Variants in EFCAB8 observed in about 807,000 individuals in gnomAD.
EFCAB8 encodes the protein EF-hand calcium binding domain 8.
Under a neutral mutation model 116.3 loss-of-function variants are expected in EFCAB8, and 100 were observed. The ratio of observed to expected loss-of-function variants is 0.86; its 90% CI spans 0.73 to 1.02. EFCAB8 has a LOEUF of 1.02. EFCAB8 is among the 50% of genes least tolerant of loss of function. The pLI, the probability that EFCAB8 is intolerant of heterozygous loss-of-function variation, is 0.00. For synonymous variants in EFCAB8, 558 were observed against 567.9 expected, an observed-to-expected ratio of 0.98 and a Z score of 0.25; for missense variants, 1,320 against 1,416.9, an observed-to-expected ratio of 0.93 and a Z score of 1.10.
intron 12 of EFCAB8, 63 bp from the exon 13 acceptor site, chr20:32,906,780 T>C: frequency 1.2e-6 from 1 of 839,836 alleles, no homozygotes; most frequent in Non-Finnish European, 2.0e-6. Context: ...GGCACCACCT[T>C]CACCAGTGGG....
chr20:32,902,651 G>A (rs1222073347), intron 11 of EFCAB8, among the ~76,000 whole-genome samples: 2 of 152,204 alleles, frequency 1.3e-5, no homozygotes, highest in Admixed American at 6.5e-5. Flanking sequence ...GCAGTGCAAT[G>A]TACAGGCCGG....
At chr20:32,900,590 C>T (rs6120030) in intron 11 of EFCAB8, among the ~76,000 whole-genome samples, 33,639 of 151,490 alleles carry the variant, frequency 0.22, 3,764 homozygotes, top group Non-Finnish European at 0.23. Context: ...TTTTTTGTGA[C>T]GGAGTCTCAC....
At chr20:32,910,063 G>A (rs1437344178) in intron 15 of EFCAB8, 132 bp downstream of exon 15, 11 of 423,294 alleles carry the variant, frequency 2.6e-5, no homozygotes, top group Admixed American at 4.4e-5. Flanking sequence ...AGCCTTGATG[G>A]TGGTGCTGGG....
intron 5 of EFCAB8, among the ~76,000 whole-genome samples, chr20:32,881,618 T>C (rs1448484345): frequency 2.0e-5 from 3 of 152,248 alleles, no homozygotes; most frequent in Non-Finnish European, 4.4e-5. Context: ...ATTTGTCATT[T>C]ATTTTTACCC....
intron 11 of EFCAB8, among the ~76,000 whole-genome samples, chr20:32,899,221 T>G (rs1986308667): frequency 6.9e-6 from 1 of 144,954 alleles, no homozygotes; most frequent in Admixed American, 6.8e-5. Flanking sequence ...CCGTCTCTAC[T>G]AAAAATACAA....
chr20:32,893,136 C>T, intron 8 of EFCAB8, 38 bp from the exon 9 acceptor site: 3 of 1,551,038 alleles, frequency 1.9e-6, no homozygotes, highest in Non-Finnish European at 2.6e-6. Context: ...CCACCGCGCC[C>T]AGCCCACACA....
chr20:32,959,816 G>A lies in EFCAB8; in HGVS notation c.3128G>A (p.Arg1043Gln), dbSNP rs375865552. 2.2e-4 allele frequency: 330 copies of A among 1,529,256 alleles called. 4 individuals carry two copies. In the African/African-American group the frequency reaches 3.9e-3, roughly 18 times the overall value. The allele number at this position is 1,529,256 out of a possible 1,614,324, so 94.7% of individuals were successfully genotyped here. A position where few individuals can be genotyped will look rare whatever the true frequency, so the allele number is the denominator to read the frequency against. Residue 1043 changes from arginine (R) to glutamine (Q), a missense_variant, in exon 25 of 27, where the codon CGG becomes CAG. Physicochemically the swap from Arg to Gln is conservative, Grantham distance 43. Coordinates refer to ENST00000400522, the MANE Select transcript of EFCAB8 (RefSeq NM_001143967.2). ...CTGGCTGAGGCCCTGATATACCAGC[G>A]GCGAGAGCAGGCGGCGCTGATGGCT... Reference protein sequence around the residue: ...RDLAEALIYQRREQAALMALL... With the variant: ...RDLAEALIYQQREQAALMALL...
intron 5 of EFCAB8, among the ~76,000 whole-genome samples, chr20:32,881,928 C>T (rs1034945358): frequency 6.6e-6 from 1 of 152,184 alleles, no homozygotes; most frequent in African/African-American, 2.4e-5. Flanking sequence ...TTATCCCTGC[C>T]CAGGCATGGT....
At chr20:32,960,875 G>A (rs1989127414) in intron 26 of EFCAB8, among the ~76,000 whole-genome samples, 1 of 152,238 alleles carries the variant, frequency 6.6e-6, no homozygotes, top group Non-Finnish European at 1.5e-5. Context: ...CTCAGAAGCG[G>A]GCAGTCTGCT....
chr20:32,860,185 A>C lies in EFCAB8; in HGVS notation c.-11+1179A>C, dbSNP rs559299538. Among the ~76,000 whole-genome samples the C allele has an allele frequency of 2.0e-5, 3 of 152,196 alleles. No individual in the cohort carries two copies. In the South Asian group the frequency reaches 6.2e-4, roughly 32 times the overall value. On this transcript the variant is annotated intron_variant, in intron 1 of 26. Transcript: ENST00000400522. ...TAGCTGGGCATGGTGGCGTGCACCT[A>C]TAATCCCAGCTACTGAGGAGGCTGA...
rs762129537 is a variant in EFCAB8 at position 32,885,511 on chromosome 20, T to G, written c.438T>G (p.His146Gln). 1.3e-6 allele frequency: 2 copies of G among 1,551,732 alleles called. No homozygotes were observed. The highest frequency in any genetic ancestry group is 2.4e-5 in the South Asian group (2 of 84,062). The change falls in exon 6 of 27, where the codon CAT becomes CAG. Residue 146 changes from histidine to glutamine, a missense_variant. His to Gln is a conservative substitution (Grantham distance 24). Coordinates refer to ENST00000400522, the MANE Select transcript of EFCAB8 (RefSeq NM_001143967.2). The part of the protein sequence containing the change: ...YLPMTVVPLN[H>Q]GCEVVKVVFL... ...CTTTCATCGCCTCCCACAGGAACCA[T>G]GGCTGTGAGGTGGTGAAGGTGGTGT...
intron 4 of EFCAB8, among the ~76,000 whole-genome samples, chr20:32,878,473 G>T (rs984867903): frequency 4.0e-5 from 6 of 151,844 alleles, no homozygotes; most frequent in African/African-American, 1.5e-4. Flanking sequence ...GAGAGATGGG[G>T]TGGTGAGGGG....
At chr20:32,870,381 A>G (rs1258918175) in intron 3 of EFCAB8, among the ~76,000 whole-genome samples, 1 of 152,226 alleles carries the variant, frequency 6.6e-6, no homozygotes, top group Admixed American at 6.5e-5. Flanking sequence ...TCAAAATCCA[A>G]AAGGTACTTT....
intron 21 of EFCAB8, among the ~76,000 whole-genome samples, 160 bp from the exon 22 acceptor site, chr20:32,931,018 A>C (rs1294775074): frequency 6.6e-6 from 1 of 152,158 alleles, no homozygotes; most frequent in Non-Finnish European, 1.5e-5. Flanking sequence ...AAGATCCCTA[A>C]GGCCCTTTCT....
intron 5 of EFCAB8, among the ~76,000 whole-genome samples, chr20:32,883,424 C>T (rs1305795429): frequency 3.3e-5 from 5 of 152,320 alleles, no homozygotes; most frequent in African/African-American, 1.2e-4. Flanking sequence ...TCCCTGCCAG[C>T]TCTCTAGCTT....
Position 32,867,704 on chromosome 20 carries a change from C to T in EFCAB8, c.165C>T (p.Ala55=). The T allele has an allele frequency of 6.4e-7, 1 of 1,551,646 alleles. No individual in the cohort carries two copies. Among genetic ancestry groups the T allele is most frequent in the South Asian group, 1.2e-5 (1 of 84,056 alleles). ...GSQLFTEIHL[A]KIEKMFEEDI... is the part of the protein sequence containing the mutation. ...AGCTGTTTACTGAGATACACCTGGC[C>T]AAGATAGAGAAAATGTTTGAGGAGG... The change falls in exon 3 of 27, where the codon GCC becomes GCT. Residue 55 remains alanine, a synonymous_variant. Coordinates refer to ENST00000400522, the MANE Select transcript of EFCAB8 (RefSeq NM_001143967.2).
Position 32,918,470 on chromosome 20 carries a change from C to A in EFCAB8, c.2170C>A (p.Pro724Thr), listed in dbSNP as rs1398027336. ...KTSRKLSSLS[P>T]ESVANTNLRR... is the part of the protein sequence containing the mutation. ...CTCCAGGAAGCTCTCCAGTCTCAGC[C>A]CCGAGTCTGTGGCCAATACCAACCT... The change falls in exon 19 of 27, where the codon CCC becomes ACC. Residue 724 changes from proline (P) to threonine (T), a missense_variant. Pro to Thr is a conservative substitution (Grantham distance 38). Coordinates refer to ENST00000400522, the MANE Select transcript of EFCAB8 (RefSeq NM_001143967.2). 4 of 1,551,596 alleles carry A rather than the reference C, an allele frequency of 2.6e-6. No homozygotes were observed. The East Asian group carries it at 7.3e-5, about 28-fold the overall frequency.
chr20:32,905,386 A>T (rs2146234212), intron 11 of EFCAB8, among the ~76,000 whole-genome samples: 1 of 152,316 alleles, frequency 6.6e-6, no homozygotes, highest in East Asian at 1.9e-4. Context: ...ATGGACGGTC[A>T]TGCAGGACGA....
chr20:32,914,107 G>T (rs1424829021), intron 17 of EFCAB8, among the ~76,000 whole-genome samples: 2 of 152,246 alleles, frequency 1.3e-5, no homozygotes, highest in East Asian at 3.8e-4. Context: ...CCTGTCCTTT[G>T]AAATCTAGGT....
Sources: gnomAD v4.1 joint callset for allele counts (sites outside exome capture counted in the v4.1 genomes callset) on GRCh38, gnomAD v4.1.1 for gene constraint, MANE v1.5 for transcripts, NCBI Gene and HGNC (gene_info 2026-07-23, HGNC 2026-07-21) for gene names.